LARP4B: variants seen among roughly 807,000 people sequenced by gnomAD.
The protein encoded by LARP4B is La ribonucleoprotein 4B.
A neutral mutation model predicts 89.8 loss-of-function variants in LARP4B; 12 were observed. That is an observed-to-expected ratio of 0.13 (90% CI 0.09 to 0.22). The LOEUF (loss-of-function observed/expected upper bound fraction) is 0.22, where lower values mean the gene tolerates loss of function less well. Among genes scored for constraint, LARP4B ranks in the 10% least tolerant of loss-of-function variants. The pLI is 1.00. For synonymous variants in LARP4B, 367 were observed against 363.3 expected (o/e 1.01, Z -0.12); for missense variants, 757 against 947.7 (o/e 0.80, Z 2.64).
chr10:938,652 TTCTC>T, the LARP4B span, among the ~76,000 whole-genome samples: 2 of 152,174 alleles, frequency 1.3e-5, no homozygotes, highest in South Asian at 2.1e-4. Context: ...ATCTGCAAGT[TTCTC>T]TCAAAAAGTT....
At chr10:987,014 CG>C in the LARP4B span, 1 of 151,824 alleles carries the variant, frequency 6.6e-6, no homozygotes. Context: ...ATCTAAATAC[CG>C]GATTACAAGA....
the LARP4B span, among the ~76,000 whole-genome samples, chr10:977,924 GGT>G: frequency 6.6e-6 from 1 of 152,054 alleles, no homozygotes; most frequent in Admixed American, 6.6e-5. Context: ...TGTGGGGGTG[GGT>G]GAGGCAACTC....
chr10:905,060 C>T (rs908706248), intron 1 of LARP4B, among the ~76,000 whole-genome samples: 8 of 152,182 alleles, frequency 5.3e-5, no homozygotes, highest in Non-Finnish European at 7.3e-5. Flanking sequence ...AGACTCGGAT[C>T]CCATCCCCAA....
upstream of LARP4B, among the ~76,000 whole-genome samples, chr10:932,654 C>G (rs1419428484): frequency 4.1e-5 from 6 of 146,540 alleles, no homozygotes; most frequent in African/African-American, 1.5e-4. Flanking sequence ...AACTCCCACC[C>G]CACACCCGGG....
At position 877,637 on chromosome 10, in the gene LARP4B, A is replaced by G. The variant is rs981669674; in HGVS notation, c.141+6810T>C. On this transcript the variant is annotated intron_variant, in intron 3 of 17. Transcript: ENST00000316157. ...TCCTCATTTGTAAAATGGGGATAAC[A>G]GTACCTAGGGGTAAGACAGGTGTAG... 3.9e-5 allele frequency among the ~76,000 whole-genome samples: 6 copies of G among 152,218 alleles called. No homozygotes were observed. The South Asian group carries it at 6.2e-4, about 16-fold the overall frequency.
intron 1 of LARP4B, among the ~76,000 whole-genome samples, chr10:904,859 T>A (rs1217189154): frequency 2.6e-5 from 4 of 152,174 alleles, no homozygotes; most frequent in African/African-American, 9.7e-5. Flanking sequence ...TGGTAGCATA[T>A]AAATCCAGAA....
chr10:850,937 G>A (rs962387340), intron 5 of LARP4B, among the ~76,000 whole-genome samples: 1 of 152,066 alleles, frequency 6.6e-6, no homozygotes, highest in African/African-American at 2.4e-5. Context: ...TGAAAACAAT[G>A]CATCTAAATT....
the LARP4B span, among the ~76,000 whole-genome samples, chr10:947,488 C>T: frequency 6.6e-6 from 1 of 152,134 alleles, no homozygotes; most frequent in South Asian, 2.1e-4. Context: ...CCTGCTACGA[C>T]AGAACAAAAT....
At chr10:944,689 G>T in the LARP4B span, among the ~76,000 whole-genome samples, 1 of 152,246 alleles carries the variant, frequency 6.6e-6, no homozygotes, top group Admixed American at 6.5e-5. Flanking sequence ...CTGCCTTGGT[G>T]TCTGCCCGTG....
chr10:944,402 AG>A, the LARP4B span, among the ~76,000 whole-genome samples: 1 of 152,112 alleles, frequency 6.6e-6, no homozygotes. Flanking sequence ...AAGAGGTTGG[AG>A]GGGGGATCTT....
At chr10:827,082 T>C (rs543007617) in intron 11 of LARP4B, among the ~76,000 whole-genome samples, 54 of 152,296 alleles carry the variant, frequency 3.5e-4, no homozygotes, top group South Asian at 2.3e-3. Context: ...AAGACCATCC[T>C]GGCTAACATG....
the LARP4B span, among the ~76,000 whole-genome samples, chr10:951,527 CAG>C: frequency 6.6e-6 from 1 of 151,804 alleles, no homozygotes; most frequent in Non-Finnish European, 1.5e-5. Context: ...GCCTGGGTGA[CAG>C]AGCCAGACTC....
chr10:925,667 G>A (rs1223333480), intron 1 of LARP4B, among the ~76,000 whole-genome samples: 2 of 152,220 alleles, frequency 1.3e-5, no homozygotes, highest in South Asian at 2.1e-4. Context: ...CCAAGTAGCT[G>A]GGATTACGAG....
chr10:909,464 C>G (rs1024703694), intron 1 of LARP4B, among the ~76,000 whole-genome samples: 1 of 151,858 alleles, frequency 6.6e-6, no homozygotes, highest in Non-Finnish European at 1.5e-5. Context: ...GTGAATGTCC[C>G]CTAAAATTGT....
At chr10:829,108 G>A (rs1169276007) in intron 11 of LARP4B, among the ~76,000 whole-genome samples, 1 of 152,216 alleles carries the variant, frequency 6.6e-6, no homozygotes, top group South Asian at 2.1e-4. Context: ...GGGGACGCCA[G>A]GTACACTACA....
chr10:842,686 C>A (rs1833581248), intron 7 of LARP4B, among the ~76,000 whole-genome samples: 2 of 152,138 alleles, frequency 1.3e-5, no homozygotes, highest in South Asian at 2.1e-4. Flanking sequence ...TAACAAGATT[C>A]TTTTCTACTT....
At chr10:885,799 G>A in intron 1 of LARP4B, 39 bp from the exon 2 acceptor site, 4 of 978,664 alleles carry the variant, frequency 4.1e-6, no homozygotes, top group Non-Finnish European at 4.8e-6. Context: ...TCATTTGAAG[G>A]GCACAGTATG....
the LARP4B span, among the ~76,000 whole-genome samples, chr10:976,426 AGGCCT>A: frequency 8.7e-5 from 13 of 149,100 alleles, no homozygotes; most frequent in African/African-American, 3.0e-4. Context: ...AGTAGAATGT[AGGCCT>A]GCCGCGTAAT....
the LARP4B span, among the ~76,000 whole-genome samples, chr10:951,402 G>A: frequency 3.3e-5 from 5 of 152,068 alleles, no homozygotes; most frequent in Admixed American, 6.6e-5. Flanking sequence ...ACAAAACTTA[G>A]CTGGGCATGG....
Sources: gnomAD v4.1 joint callset for allele counts (sites outside exome capture counted in the v4.1 genomes callset) on GRCh38, gnomAD v4.1.1 for gene constraint, MANE v1.5 for transcripts, NCBI Gene and HGNC (gene_info 2026-07-23, HGNC 2026-07-21) for gene names.